CCSER1: variants seen among roughly 807,000 people sequenced by gnomAD.
CCSER1 encodes coiled-coil serine rich protein 1, also known as serine-rich coiled-coil domain-containing protein 1.
A neutral mutation model predicts 82.0 loss-of-function variants in CCSER1; 41 were observed. The observed-to-expected ratio is 0.50, with a 90% CI of 0.39 to 0.65. CCSER1 has a LOEUF of 0.65. CCSER1 is among the 30% of genes least tolerant of loss of function. The pLI is 0.00. For synonymous variants in CCSER1, 414 were observed against 383.9 expected (o/e 1.08, Z -0.92); for missense variants, 1,119 against 1,064.2 (o/e 1.05, Z -0.72).
intron 10 of CCSER1, among the ~76,000 whole-genome samples, chr4:91,576,448 T>C (rs1027475089): frequency 1.3e-5 from 2 of 151,942 alleles, no homozygotes; most frequent in African/African-American, 4.8e-5. Context: ...AAACTTTCAG[T>C]TATGAGTAAA....
In CCSER1 at chr4:90,865,749, A is replaced by AT. The variant is rs574140845; in HGVS notation, c.2094+49912dup. On this transcript the variant is annotated intron_variant, in intron 8 of 10. Coordinates refer to ENST00000509176, the MANE Select transcript of CCSER1 (RefSeq NM_001145065.2). The stretch of plus-strand genomic sequence containing the variant: ...ACAACAATGCAACTTTATCTTCTCA[A>AT]TTTTTTTTATTTCCTTATCCCTCTC... Among the ~76,000 whole-genome samples, 22 of 151,874 alleles carry AT rather than the reference A, an allele frequency of 1.4e-4. No individual in the cohort carries two copies. The East Asian group carries it at 3.3e-3, about 23-fold the overall frequency.
chr4:90,211,895 C>A (rs1740080281), intron 1 of CCSER1, among the ~76,000 whole-genome samples: 1 of 151,972 alleles, frequency 6.6e-6, no homozygotes, highest in Non-Finnish European at 1.5e-5. Flanking sequence ...AAGAAAATAA[C>A]AAATAATCTT....
rs143728981 is a variant in CCSER1 at position 91,243,285 on chromosome 4, T to G, written c.2217+157291T>G. On this transcript the variant is annotated intron_variant, in intron 10 of 10. Transcript: ENST00000509176. ...GAGTTTGTTGGCAAGCCTCACCACT[T>G]TGGGCTGAAGTGCTCTGTGTTCCTA... is the stretch of plus-strand genomic sequence containing the variant. Among the ~76,000 whole-genome samples, 1,123 of 152,308 alleles carry G rather than the reference T, an allele frequency of 7.4e-3. 7 individuals are homozygous for G. The highest frequency in any genetic ancestry group is 0.025 in the African/African-American group (1,051 of 41,570).
chr4:91,033,708 T>C (rs533692510), intron 9 of CCSER1, among the ~76,000 whole-genome samples: 4 of 152,298 alleles, frequency 2.6e-5, no homozygotes, highest in African/African-American at 7.2e-5. Context: ...CAATCTGTTG[T>C]AATAGCTTAC....
At chr4:90,860,736 C>T (rs989094741) in intron 8 of CCSER1, among the ~76,000 whole-genome samples, 7 of 151,644 alleles carry the variant, frequency 4.6e-5, no homozygotes, top group Admixed American at 2.0e-4. Flanking sequence ...CTTGAAAATA[C>T]GCAAAGTCAA....
intron 9 of CCSER1, among the ~76,000 whole-genome samples, chr4:90,981,480 A>G (rs552834756): frequency 6.6e-6 from 1 of 151,950 alleles, no homozygotes; most frequent in East Asian, 1.9e-4. Flanking sequence ...TTTAATCCCC[A>G]AAGCAACCAT....
chr4:90,429,031 A>G (rs1428482666), intron 4 of CCSER1, among the ~76,000 whole-genome samples: 1 of 151,788 alleles, frequency 6.6e-6, no homozygotes. Flanking sequence ...AAACAAATGT[A>G]TCACACTATT....
chr4:91,168,541 C>G (rs1732408995), intron 10 of CCSER1, among the ~76,000 whole-genome samples: 1 of 146,238 alleles, frequency 6.8e-6, no homozygotes, highest in South Asian at 2.2e-4. Flanking sequence ...TGAGGAGTGC[C>G]TCTGCCCGGC....
At chr4:91,530,677 T>A (rs1760981737) in intron 10 of CCSER1, among the ~76,000 whole-genome samples, 1 of 125,000 alleles carries the variant, frequency 8.0e-6, no homozygotes, top group Admixed American at 8.7e-5. Flanking sequence ...GAATTGTATT[T>A]TTCTTTCTTT....
intron 9 of CCSER1, among the ~76,000 whole-genome samples, chr4:90,946,641 G>GAA (rs1732285772): frequency 7.2e-6 from 1 of 139,690 alleles, no homozygotes; most frequent in Non-Finnish European, 1.5e-5. Context: ...AAAAAAAAAA[G>GAA]AGATTATAGA....
At chr4:90,428,324 A>G (rs901121041) in intron 4 of CCSER1, among the ~76,000 whole-genome samples, 1 of 151,906 alleles carries the variant, frequency 6.6e-6, no homozygotes, top group African/African-American at 2.4e-5. Context: ...AGAATTCTGT[A>G]GGAAAATACA....
intron 10 of CCSER1, among the ~76,000 whole-genome samples, chr4:91,399,496 GGGT>G (rs1237714894): frequency 6.6e-6 from 1 of 151,922 alleles, no homozygotes; most frequent in Non-Finnish European, 1.5e-5. Context: ...GTCTTCAGAG[GGGT>G]AATCAATTCC....
intron 9 of CCSER1, among the ~76,000 whole-genome samples, chr4:90,963,837 AAAGGTTC>A (rs143541801): frequency 7.6e-4 from 115 of 152,304 alleles, no homozygotes; most frequent in African/African-American, 2.6e-3. Context: ...TGATCTATTG[AAAGGTTC>A]AAGTAAAAAA....
chr4:91,299,815 C>T (rs1744528462), intron 10 of CCSER1, among the ~76,000 whole-genome samples: 2 of 150,302 alleles, frequency 1.3e-5, no homozygotes, highest in African/African-American at 2.4e-5. Flanking sequence ...TATTAGTCCT[C>T]ATAATGTTGT....
chr4:90,950,984 C>T (rs1333144253), intron 9 of CCSER1: 1 of 151,972 alleles, frequency 6.6e-6, no homozygotes, highest in African/African-American at 2.4e-5. Flanking sequence ...GCACTAGGTG[C>T]CTGGTATATG....
At chr4:91,487,315 C>T (rs1345700421) in intron 10 of CCSER1, among the ~76,000 whole-genome samples, 1 of 152,094 alleles carries the variant, frequency 6.6e-6, no homozygotes, top group Non-Finnish European at 1.5e-5. Context: ...AGGGTCTACT[C>T]ACTCAGTAAA....
chr4:91,115,861 T>TATATATA lies in CCSER1; in HGVS notation c.2217+29867_2217+29868insATATATA, dbSNP rs757901995. Among the ~76,000 whole-genome samples the TATATATA allele has an allele frequency of 5.2e-3, 690 of 133,528 alleles. 2 individuals carry two copies. Among genetic ancestry groups the TATATATA allele is most frequent in the East Asian group, 0.024 (106 of 4,342 alleles). The allele number at this position is 133,528 out of a possible 152,430, so 87.6% of individuals were successfully genotyped here. A position where few individuals can be genotyped will look rare whatever the true frequency, so the allele number is the denominator to read the frequency against. On this transcript the variant is annotated intron_variant, in intron 10 of 10. Coordinates refer to ENST00000509176, the MANE Select transcript of CCSER1 (RefSeq NM_001145065.2). ...TTCTTTTATATATATATATATATAT[T>TATATATA]TTTTTTTATTATACTTTAAGTTCTA... is the stretch of plus-strand genomic sequence containing the variant.
At position 91,039,941 on chromosome 4, in the gene CCSER1, A is replaced by G. The variant is rs998852020; in HGVS notation, c.2173-46009A>G. ...CACCTCTGTTTGTTGTCATGTGTAG[A>G]AAGGCCTGCTTTACTCCCAAAATTC... On this transcript the variant is annotated intron_variant, in intron 9 of 10. Transcript: ENST00000509176. 2.6e-5 allele frequency among the ~76,000 whole-genome samples: 4 copies of G among 152,252 alleles called. No homozygotes were observed. The East Asian group carries it at 7.7e-4, about 29-fold the overall frequency.
intron 7 of CCSER1, among the ~76,000 whole-genome samples, chr4:90,753,501 A>G (rs1055845167): frequency 6.6e-6 from 1 of 152,132 alleles, no homozygotes; most frequent in Non-Finnish European, 1.5e-5. Flanking sequence ...TCTTTCTCAC[A>G]CCCATTCTGT....
Sources: allele counts gnomAD v4.1 joint callset (sites outside exome capture counted in the v4.1 genomes callset), GRCh38; gene constraint gnomAD v4.1.1; transcripts MANE v1.5; gene names NCBI Gene and HGNC (gene_info 2026-07-23, HGNC 2026-07-21).